CIBAR1: variants seen among roughly 807,000 people sequenced by gnomAD.
The protein encoded by CIBAR1 is CBY1-interacting BAR domain-containing protein 1.
Under a neutral mutation model 44.0 loss-of-function variants are expected in CIBAR1, and 25 were observed. The ratio of observed to expected loss-of-function variants is 0.57; its 90% confidence interval spans 0.41 to 0.79. CIBAR1 has a LOEUF of 0.79. Among genes scored for constraint, CIBAR1 ranks in the 30% least tolerant of loss-of-function variants. The pLI is 0.00. For missense variants in CIBAR1, 278 were observed against 344.8 expected, an observed-to-expected ratio of 0.81 and a Z score of 1.53; for synonymous variants, 115 against 119.0, an observed-to-expected ratio of 0.97 and a Z score of 0.22.
At chr8:93,705,117 A>C (rs568444386) in intron 4 of CIBAR1, 107 bp downstream of exon 4, 42 of 715,926 alleles carry the variant, frequency 5.9e-5, no homozygotes, top group African/African-American at 4.1e-4. Context: ...AGAGAATTTG[A>C]ATATAAAGAT....
intron 5 of CIBAR1, 62 bp from the exon 6 acceptor site, chr8:93,709,709 C>T: frequency 7.3e-7 from 1 of 1,372,908 alleles, no homozygotes; most frequent in Non-Finnish European, 1.0e-6. Flanking sequence ...TACCAGTAGG[C>T]TCAATTGAAT....
chr8:93,711,230 C>T (rs1255808600), intron 6 of CIBAR1, among the ~76,000 whole-genome samples: 1 of 152,132 alleles, frequency 6.6e-6, no homozygotes, highest in Non-Finnish European at 1.5e-5. Context: ...CTCTTTTTGG[C>T]TCACTGAAGA....
In CIBAR1 at chr8:93,709,831, G is replaced by A. The variant is rs1347570390; in HGVS notation, c.499G>A (p.Glu167Lys). The A allele has an allele frequency of 6.2e-7, 1 of 1,613,130 alleles. No individual in the cohort carries two copies. The highest frequency in any genetic ancestry group is 8.5e-7 in the Non-Finnish European group (1 of 1,179,704). Residue 167 changes from glutamate to lysine, a missense_variant, in exon 6 of 9, where the codon GAA becomes AAA. This residue lies in a region of CIBAR1 where 183 missense variants were observed against 218.6 expected (regional missense o/e 0.84). Transcript: ENST00000518322. Reference protein sequence around the residue: ...DASRTSRHLEETINNFERQKM... With the variant: ...DASRTSRHLEKTINNFERQKM... ...TAGCCGAACAAGTCGTCATCTGGAG[G>A]AAACTATTAACAACTTTGAAAGGCA... is the stretch of plus-strand genomic sequence containing the variant.
At chr8:93,718,914 A>G (rs1431376733) in intron 7 of CIBAR1, 126 bp downstream of exon 7, 2 of 491,914 alleles carry the variant, frequency 4.1e-6, no homozygotes, top group African/African-American at 2.0e-5. Flanking sequence ...CCCAAGTTGG[A>G]GTGCAGTAGT....
At chr8:93,723,011 T>A (rs1388095170) in intron 7 of CIBAR1, among the ~76,000 whole-genome samples, 1 of 152,228 alleles carries the variant, frequency 6.6e-6, no homozygotes, top group Non-Finnish European at 1.5e-5. Flanking sequence ...TTATTTATTT[T>A]TTTGAGACGG....
In CIBAR1 at chr8:93,713,466, A is replaced by C. The variant is rs118118435; in HGVS notation, c.543+3591A>C. 9.9e-5 allele frequency among the ~76,000 whole-genome samples: 15 copies of C among 152,284 alleles called. No homozygotes were observed. In the East Asian group the frequency reaches 2.9e-3, roughly 29 times the overall value. On this transcript the variant is annotated intron_variant, in intron 6 of 8. Coordinates refer to ENST00000518322, the MANE Select transcript of CIBAR1 (RefSeq NM_145269.5). ...TGGGTTGCCTTGTCACTTTCTTGAT[A>C]GTGTCTTTGAAGCACAGGTTTTTAA...
Position 93,700,551 on chromosome 8 carries a change from G to C in CIBAR1, c.-97G>C. 2 of 1,341,362 alleles carry C rather than the reference G, an allele frequency of 1.5e-6. No individual in the cohort carries two copies. Among genetic ancestry groups the C allele is most frequent in the Non-Finnish European group, 1.9e-6 (2 of 1,042,530 alleles). The allele number at this position is 1,341,362 out of a possible 1,614,324, so 83.1% of individuals were successfully genotyped here. On this transcript the variant is annotated 5_prime_UTR_variant, in exon 1 of 9. Transcript: ENST00000518322. ...CGGCGGCGCGAGGGGCGGGCTTTCA[G>C]GCTCCCGGCGGCTGCTTGCGCCCCA...
chr8:93,715,308 C>T (rs1810998345), intron 6 of CIBAR1: 1 of 152,120 alleles, frequency 6.6e-6, no homozygotes. Context: ...CCAGGAGTTG[C>T]TCCTGTAACA....
chr8:93,703,587 G>T, intron 2 of CIBAR1, 33 bp from the exon 3 acceptor site: 1 of 1,283,602 alleles, frequency 7.8e-7, no homozygotes, highest in Non-Finnish European at 1.1e-6. Flanking sequence ...AATGTTAAAC[G>T]TTCTAATTTA....
chr8:93,707,167 C>A, intron 4 of CIBAR1: 1 of 384,766 alleles, frequency 2.6e-6, no homozygotes, highest in South Asian at 2.0e-5. Flanking sequence ...GTATTTTAAT[C>A]CAAAGCATTT....
At chr8:93,722,482 A>G (rs1415191119) in intron 7 of CIBAR1, among the ~76,000 whole-genome samples, 1 of 152,128 alleles carries the variant, frequency 6.6e-6, no homozygotes, top group African/African-American at 2.4e-5. Flanking sequence ...GCGGATCATG[A>G]GGTCAGGAGT....
intron 7 of CIBAR1, 99 bp downstream of exon 7, chr8:93,718,887 A>T: frequency 2.9e-6 from 2 of 691,876 alleles, no homozygotes; most frequent in Non-Finnish European, 4.5e-6. Context: ...TTTTTGAGAC[A>T]GAGTCTCACT....
chr8:93,706,092 T>C (rs186192574), intron 4 of CIBAR1: 1 of 152,236 alleles, frequency 6.6e-6, no homozygotes, highest in Non-Finnish European at 1.5e-5. Flanking sequence ...AGTGGCTCTT[T>C]GAGAGCATTT....
At chr8:93,708,064 CT>C in intron 5 of CIBAR1, 48 bp downstream of exon 5, 3 of 1,414,674 alleles carry the variant, frequency 2.1e-6, no homozygotes, top group Non-Finnish European at 2.9e-6. Context: ...ATAGTAAACC[CT>C]TTTACTTGTT....
intron 6 of CIBAR1, among the ~76,000 whole-genome samples, chr8:93,713,430 T>G (rs1441970685): frequency 6.6e-6 from 1 of 152,240 alleles, no homozygotes; most frequent in Non-Finnish European, 1.5e-5. Flanking sequence ...TCTGCAGTTT[T>G]TCCCATTCTG....
rs776135935 is a variant in CIBAR1 at position 93,728,263 on chromosome 8, T to C, written c.836T>C (p.Leu279Ser). The C allele has an allele frequency of 6.3e-6, 10 of 1,595,238 alleles. No individual in the cohort carries two copies. In the South Asian group the frequency reaches 1.1e-4, roughly 18 times the overall value. ...QQAEDDEDDE[L>S]DVTEEENFLK ...GCAGAAGATGATGAGGATGACGAGT[T>C]AGATGTTACAGAAGAAGAAAATTTT... The change falls in exon 9 of 9, where the codon TTA becomes TCA. Residue 279 changes from leucine to serine, a missense_variant. This residue lies in a region of CIBAR1 where 93 missense variants were observed against 108.9 expected (regional missense o/e 0.85). Transcript: ENST00000518322.
At chr8:93,714,905 T>G (rs913804663) in intron 6 of CIBAR1, among the ~76,000 whole-genome samples, 2 of 152,208 alleles carry the variant, frequency 1.3e-5, no homozygotes, top group Admixed American at 1.3e-4. Flanking sequence ...CACTCTTAAT[T>G]TGGGGAGAAA....
At chr8:93,719,107 G>A (rs1444738107) in intron 7 of CIBAR1, among the ~76,000 whole-genome samples, 5 of 151,922 alleles carry the variant, frequency 3.3e-5, no homozygotes, top group Non-Finnish European at 5.9e-5. Context: ...CAAGTGATAC[G>A]CCCACCTCGG....
intron 7 of CIBAR1, among the ~76,000 whole-genome samples, chr8:93,721,777 C>T (rs771618454): frequency 1.3e-5 from 2 of 151,398 alleles, no homozygotes; most frequent in African/African-American, 4.9e-5. Flanking sequence ...GGAATTCAGA[C>T]ATTAAAAACT....
Sources: gnomAD v4.1 joint callset for allele counts (sites outside exome capture counted in the v4.1 genomes callset) on GRCh38, gnomAD v4.1.1 for gene constraint, gnomAD v4.1.1 regional missense constraint, MANE v1.5 for transcripts, NCBI Gene and HGNC (gene_info 2026-07-23, HGNC 2026-07-21) for gene names.